CCDC30: variants seen among roughly 807,000 people sequenced by gnomAD.
The protein encoded by CCDC30 is coiled-coil domain containing 30.
In CCDC30, 70 loss-of-function variants were observed where a neutral mutation model predicts 100.2. The ratio of observed to expected loss-of-function variants is 0.70; its 90% CI spans 0.58 to 0.85. CCDC30 has a LOEUF of 0.85. Among genes scored for constraint, CCDC30 ranks in the 40% least tolerant of loss-of-function variants. CCDC30 has a pLI of 0.00. For synonymous variants in CCDC30, 233 were observed against 269.5 expected (o/e 0.86, Z 1.33); for missense variants, 652 against 771.2 (o/e 0.85, Z 1.83).
At chr1:42,563,900 T>C (rs1645550982) in intron 6 of CCDC30, among the ~76,000 whole-genome samples, 1 of 152,046 alleles carries the variant, frequency 6.6e-6, no homozygotes, top group Non-Finnish European at 1.5e-5. Context: ...GTGAGGCTTC[T>C]TCATAATTAC....
At position 42,479,727 on chromosome 1, in the gene CCDC30, T is replaced by TG. The variant is rs551330848; in HGVS notation, c.-91-731dup. On this transcript the variant is annotated intron_variant, in intron 1 of 16. Transcript: ENST00000668663. Reference sequence around the variant, plus strand: ...TTATTAGTCAGATACACTCAGCCCATGGGAAGAGGATAGATATGCTATGCT... The same window carrying TG: ...TTATTAGTCAGATACACTCAGCCCATGGGGAAGAGGATAGATATGCTATGCT... 5.7e-4 allele frequency among the ~76,000 whole-genome samples: 87 copies of TG among 152,086 alleles called. 1 individual carries two copies. The highest frequency in any genetic ancestry group is 1.9e-3 in the African/African-American group (79 of 41,484).
rs61285735 is a variant in CCDC30, at chr1:42,625,297, G to T, written c.1278-11940G>T. On this transcript the variant is annotated intron_variant, in intron 11 of 16. Coordinates refer to ENST00000668663, the Ensembl canonical transcript of CCDC30. Reference sequence around the variant, plus strand: ...TTTCTTAGCCTGCTAAAGTTTTGTTGATTTTAACTTTTCAAAAAAACAACT... The same window carrying T: ...TTTCTTAGCCTGCTAAAGTTTTGTTTATTTTAACTTTTCAAAAAAACAACT... 1.1e-3 allele frequency among the ~76,000 whole-genome samples: 162 copies of T among 150,606 alleles called. 2 individuals carry two copies. Among genetic ancestry groups the T allele is most frequent in the Middle Eastern group, 3.4e-3 (1 of 290 alleles).
intron 7 of CCDC30, among the ~76,000 whole-genome samples, chr1:42,566,782 C>T (rs905749399): frequency 6.6e-6 from 1 of 152,140 alleles, no homozygotes; most frequent in Non-Finnish European, 1.5e-5. Flanking sequence ...TATCACTAGA[C>T]TTATTTATCC....
At chr1:42,577,037 G>A (rs746833431) in exon 8 of CCDC30, 13 of 1,612,934 alleles carry the variant, frequency 8.1e-6, no homozygotes, top group African/African-American at 1.3e-5. Context: ...TTGAACTAAA[G>A]CATGCCCAAC....
At chr1:42,527,158 A>C (rs1644734919) in intron 6 of CCDC30, among the ~76,000 whole-genome samples, 3 of 152,222 alleles carry the variant, frequency 2.0e-5, no homozygotes, top group African/African-American at 7.2e-5. Context: ...GGGTCAATAC[A>C]TAATGTCCTC....
At chr1:42,613,156 T>C (rs938996915) in intron 11 of CCDC30, among the ~76,000 whole-genome samples, 1 of 152,230 alleles carries the variant, frequency 6.6e-6, no homozygotes, top group Non-Finnish European at 1.5e-5. Context: ...GTCTGCTCTA[T>C]AGACAGAGGC....
intron 10 of CCDC30, among the ~76,000 whole-genome samples, chr1:42,603,050 T>G (rs1222505423): frequency 6.6e-6 from 1 of 152,236 alleles, no homozygotes; most frequent in Non-Finnish European, 1.5e-5. Flanking sequence ...TGATGCTATC[T>G]TAGTCTGTTT....
At chr1:42,468,431 A>G (rs1330851327) in intron 1 of CCDC30, among the ~76,000 whole-genome samples, 1 of 151,764 alleles carries the variant, frequency 6.6e-6, no homozygotes, top group Admixed American at 6.5e-5. Flanking sequence ...CCTTAAGGAC[A>G]GTTTCTGGAA....
At chr1:42,631,389 C>A (rs1444573556) in intron 11 of CCDC30, among the ~76,000 whole-genome samples, 1 of 152,162 alleles carries the variant, frequency 6.6e-6, no homozygotes, top group Non-Finnish European at 1.5e-5. Flanking sequence ...ACACAAGCAC[C>A]CTTATGGCCA....
intron 6 of CCDC30, among the ~76,000 whole-genome samples, chr1:42,526,574 T>A (rs1237504666): frequency 6.6e-6 from 1 of 152,140 alleles, no homozygotes; most frequent in Non-Finnish European, 1.5e-5. Flanking sequence ...ATTGATCTTT[T>A]AAATATGGAT....
At chr1:42,582,745 T>TTCC (rs1187726583) in intron 9 of CCDC30, among the ~76,000 whole-genome samples, 1 of 152,222 alleles carries the variant, frequency 6.6e-6, no homozygotes, top group African/African-American at 2.4e-5. Context: ...ACTGGGCCAC[T>TTCC]TCCTCCTCCT....
intron 11 of CCDC30, among the ~76,000 whole-genome samples, chr1:42,611,676 CA>C (rs957920950): frequency 8.0e-5 from 12 of 149,900 alleles, no homozygotes; most frequent in Admixed American, 3.3e-4. Context: ...AACAACATTG[CA>C]AAAAAAAATT....
chr1:42,503,146 A>G (rs1274435855), intron 6 of CCDC30, among the ~76,000 whole-genome samples: 2 of 152,200 alleles, frequency 1.3e-5, no homozygotes, highest in African/African-American at 2.4e-5. Context: ...GGCCTCCCAA[A>G]ATGCTGGGAT....
chr1:42,648,614 G>A lies in CCDC30; in HGVS notation c.1854+2297G>A, dbSNP rs865870387. Among the ~76,000 whole-genome samples the A allele has an allele frequency of 2.0e-5, 3 of 152,142 alleles. 1 individual carries two copies. Among genetic ancestry groups the A allele is most frequent in the African/African-American group, 4.8e-5 (2 of 41,438 alleles). ...GAACTTGGGAGGTGGAGGTTGCAGT[G>A]AGCCGAGATCACGCCACTGCTCTCC... is the stretch of plus-strand genomic sequence containing the variant. On this transcript the variant is annotated intron_variant, in intron 15 of 16. Coordinates refer to ENST00000668663, the Ensembl canonical transcript of CCDC30.
chr1:42,542,623 T>A (rs181530287), intron 6 of CCDC30, among the ~76,000 whole-genome samples: 3,925 of 132,758 alleles, frequency 0.03, 337 homozygotes, highest in African/African-American at 0.1. Context: ...CAATCTCGGC[T>A]CACTGCAAGC....
intron 2 of CCDC30, among the ~76,000 whole-genome samples, chr1:42,482,393 A>G (rs1187191985): frequency 1.3e-5 from 2 of 152,130 alleles, no homozygotes; most frequent in Non-Finnish European, 2.9e-5. Context: ...ATAGAACAAT[A>G]CACTCATATC....
chr1:42,491,444 C>A (rs1268920304), intron 4 of CCDC30, among the ~76,000 whole-genome samples: 2 of 150,400 alleles, frequency 1.3e-5, no homozygotes, highest in Admixed American at 1.3e-4. Context: ...AAGATTGTTA[C>A]CAGAGGATGG....
At chr1:42,493,942 C>T (rs1205690834) in intron 4 of CCDC30, among the ~76,000 whole-genome samples, 4 of 151,464 alleles carry the variant, frequency 2.6e-5, no homozygotes, top group African/African-American at 4.9e-5. Context: ...GGCTGGACAT[C>T]GTGGCTCATG....
At chr1:42,546,185 A>G (rs1645127081) in intron 6 of CCDC30, among the ~76,000 whole-genome samples, 1 of 150,698 alleles carries the variant, frequency 6.6e-6, no homozygotes. Context: ...CAAGAGTTCG[A>G]GATCAGCATG....
Sources: gnomAD v4.1 joint callset for allele counts (sites outside exome capture counted in the v4.1 genomes callset) on GRCh38, gnomAD v4.1.1 for gene constraint, MANE v1.5 for transcripts, NCBI Gene and HGNC (gene_info 2026-07-23, HGNC 2026-07-21) for gene names.